Variants in PDCD11 observed in about 807,000 individuals in gnomAD.
PDCD11 encodes the protein programmed cell death 11.
Under a neutral mutation model 198.9 loss-of-function variants are expected in PDCD11, and 97 were observed. The observed-to-expected ratio is 0.49, with a 90% CI of 0.41 to 0.58. The LOEUF is 0.58. Among genes scored for constraint, PDCD11 ranks in the 20% least tolerant of loss-of-function variants. The pLI is 0.00. For missense variants in PDCD11, 2,102 were observed against 2,312.7 expected (o/e 0.91, Z 1.87); for synonymous variants, 893 against 918.0 (o/e 0.97, Z 0.49).
intron 22 of PDCD11, among the ~76,000 whole-genome samples, chr10:103,432,761 C>G (rs953850259): frequency 6.6e-6 from 1 of 152,166 alleles, no homozygotes; most frequent in Admixed American, 6.5e-5. Flanking sequence ...TGAGCATGAT[C>G]GTCTCTGATG....
chr10:103,434,335 T>G lies in PDCD11; in HGVS notation c.3652T>G (p.Cys1218Gly). The change falls in exon 24 of 36, where the codon TGT becomes GGT. Residue 1218 changes from cysteine to glycine, a missense_variant. Transcript: ENST00000369797. ...VGPDSSKTLLCLSLTGPHKLE... is the reference protein window; with the variant it reads ...VGPDSSKTLLGLSLTGPHKLE... ...CCCAGATTCCTCCAAGACCCTCTTA[T>G]GTCTGTCCCTCACAGGTGTGGGGAT... 1.2e-6 allele frequency: 2 copies of G among 1,608,204 alleles called. No individual in the cohort carries two copies. Among genetic ancestry groups the G allele is most frequent in the African/African-American group, 1.3e-5 (1 of 74,916 alleles).
rs778314230 is a variant in PDCD11, at chr10:103,423,084, G to A, written c.2594G>A (p.Ser865Asn). ...TTGGAAGATGGCTCTGTGGTATTCA[G>A]TGGGGGTCCAGTGCCCGACCTGGTC... The part of the protein sequence containing the change: ...EVLEDGSVVF[S>N]GGPVPDLVLK... The change falls in exon 18 of 36, where the codon AGT (serine) becomes AAT (asparagine). Residue 865 changes from serine (S) to asparagine (N), a missense_variant. Coordinates refer to ENST00000369797, the MANE Select transcript of PDCD11 (RefSeq NM_014976.2). The A allele has an allele frequency of 6.2e-6, 10 of 1,606,066 alleles. No homozygotes were observed. The Middle Eastern group carries it at 8.3e-4, about 133-fold the overall frequency.
At chr10:103,434,096 C>A in intron 23 of PDCD11, 59 bp downstream of exon 23, 2 of 1,395,170 alleles carry the variant, frequency 1.4e-6, no homozygotes, top group Non-Finnish European at 2.0e-6. Flanking sequence ...TGGCCCAGTG[C>A]CTGGTGTGTG....
At position 103,405,041 on chromosome 10, in the gene PDCD11, A is replaced by C; in HGVS notation, c.422A>C (p.Glu141Ala). The change falls in exon 5 of 36, where the codon GAA (glutamate) becomes GCA (alanine). Residue 141 changes from glutamate (E) to alanine (A), a missense_variant. Transcript: ENST00000369797. ...ATGCAGGACCTACTTCACTTGCCTG[A>C]ACTTTTCTCACCTGGAATGCTGGTA... is the stretch of plus-strand genomic sequence containing the variant. ...QPLKDLLHLPELFSPGMLVRC... is the reference protein window; with the variant it reads ...QPLKDLLHLPALFSPGMLVRC... 6.2e-7 allele frequency: 1 copy of C among 1,613,984 alleles called. No homozygotes were observed. The highest frequency in any genetic ancestry group is 1.3e-5 in the African/African-American group (1 of 75,010).
At chr10:103,412,317 T>C (rs1592119306) in intron 8 of PDCD11, among the ~76,000 whole-genome samples, 1 of 148,854 alleles carries the variant, frequency 6.7e-6, no homozygotes, top group East Asian at 2.0e-4. Context: ...CGTACCACCA[T>C]GCCCGGCTAA....
rs1430293302 is a variant in PDCD11 at position 103,434,353 on chromosome 10, G to A, written c.3667+3G>A. On this transcript the variant is annotated splice_donor_region_variant and intron_variant, in intron 24 of 35. Coordinates refer to ENST00000369797, the MANE Select transcript of PDCD11 (RefSeq NM_014976.2). ...CCTCTTATGTCTGTCCCTCACAGGT[G>A]TGGGGATGAAACAGTGCCTGGTCGG... The A allele has an allele frequency of 6.3e-7, 1 of 1,580,070 alleles. No individual in the cohort carries two copies. Among genetic ancestry groups the A allele is most frequent in the African/African-American group, 1.3e-5 (1 of 74,236 alleles).
intron 21 of PDCD11, among the ~76,000 whole-genome samples, chr10:103,429,474 G>A (rs1032242014): frequency 6.6e-6 from 1 of 152,118 alleles, no homozygotes; most frequent in African/African-American, 2.4e-5. Context: ...GAGGCTAGAA[G>A]TCTGAGATCA....
chr10:103,438,336 A>G (rs1459198086), intron 26 of PDCD11, among the ~76,000 whole-genome samples: 3 of 152,132 alleles, frequency 2.0e-5, no homozygotes. Context: ...GTGAGGGGAG[A>G]TGCTTTAGCC....
chr10:103,413,827 G>GA (rs1194180054), intron 9 of PDCD11, 139 bp from the exon 10 acceptor site: 7 of 810,238 alleles, frequency 8.6e-6, no homozygotes. Context: ...TTTTTAGTGT[G>GA]AAGAATTACT....
Position 103,417,712 on chromosome 10 carries a change from C to CCGT in PDCD11, c.1771-80_1771-79insCGT. The CCGT allele has an allele frequency of 2.0e-5, 29 of 1,462,938 alleles. No homozygotes were observed. The East Asian group carries it at 4.4e-4, about 22-fold the overall frequency. 90.6% of individuals were successfully genotyped at this position (1,462,938 alleles called of 1,614,324 possible). A position where few individuals can be genotyped will look rare whatever the true frequency, so the allele number is the denominator to read the frequency against. On this transcript the variant is annotated intron_variant, in intron 13 of 35. Transcript: ENST00000369797. ...CTCGGTAGATCTCCCAAGTCCTCTGCAGCAGTAGTGGAGGGCACGTTGCAG... is the reference window on the plus strand; with the variant it reads ...CTCGGTAGATCTCCCAAGTCCTCTGCCGTAGCAGTAGTGGAGGGCACGTTGCAG...
intron 22 of PDCD11, among the ~76,000 whole-genome samples, chr10:103,432,725 C>G (rs999848738): frequency 6.6e-6 from 1 of 152,168 alleles, no homozygotes; most frequent in Non-Finnish European, 1.5e-5. Flanking sequence ...TCCATTGTTG[C>G]CAGATTCCTC....
In PDCD11 at chr10:103,442,256, C is replaced by T. The variant is rs149891417; in HGVS notation, c.4751C>T (p.Ala1584Val). ...KKERELEKQK[A>V]EKELSRIEEA... ...GAAAGGGAGTTGGAGAAGCAGAAGG[C>T]AGAGAAGGAACTGTCCCGCATTGAG... Residue 1584 changes from alanine (A) to valine (V), a missense_variant, in exon 32 of 36, where the codon GCA becomes GTA. Physicochemically the swap from Ala to Val is moderately conservative, Grantham distance 64. Coordinates refer to ENST00000369797, the MANE Select transcript of PDCD11 (RefSeq NM_014976.2). 2,281 of 1,614,172 alleles carry T rather than the reference C, an allele frequency of 1.4e-3. 3 individuals are homozygous for T. The highest frequency in any genetic ancestry group is 2.6e-3 in the Admixed American group (158 of 60,014).
At position 103,440,795 on chromosome 10, in the gene PDCD11, A is replaced by C; in HGVS notation, c.4502A>C (p.Asp1501Ala). 1.2e-6 allele frequency: 2 copies of C among 1,614,098 alleles called. No homozygotes were observed. The highest frequency in any genetic ancestry group is 2.2e-5 in the South Asian group (2 of 91,082). The change falls in exon 30 of 36, where the codon GAC becomes GCC. Residue 1501 changes from aspartate to alanine, a missense_variant. Physicochemically the swap from Asp to Ala is moderately radical, Grantham distance 126. Transcript: ENST00000369797. ...TCAGAGGAGGACGACAGCCTTGTGG[A>C]CGTGTACTATCGGGAGGGAAAAGAG... ...GLSEEDDSLV[D>A]VYYREGKEEA...
At chr10:103,417,602 C>T (rs901708536) in intron 13 of PDCD11, among the ~76,000 whole-genome samples, 190 bp from the exon 14 acceptor site, 1 of 152,236 alleles carries the variant, frequency 6.6e-6, no homozygotes, top group Non-Finnish European at 1.5e-5. Context: ...CTTATGTCTT[C>T]CATTTATCCC....
chr10:103,413,817 T>C, intron 9 of PDCD11, 149 bp from the exon 10 acceptor site: 2 of 754,208 alleles, frequency 2.7e-6, no homozygotes, highest in Non-Finnish European at 4.0e-6. Flanking sequence ...AAAGAGCAGT[T>C]TTTTAGTGTG....
Position 103,445,405 on chromosome 10 carries a change from G to C in PDCD11, c.5472G>C (p.Leu1824=), listed in dbSNP as rs756345857. ...VRDIFERVIH[L]SLAPKRMKFF... ...ACATCTTTGAGCGGGTCATTCATCT[G>C]AGCTTGGCCCCCAAGAGAATGAAGT... Residue 1824 remains leucine (L), a synonymous_variant, in exon 36 of 36, where the codon CTG becomes CTC. Transcript: ENST00000369797. 7 of 1,614,212 alleles carry C rather than the reference G, an allele frequency of 4.3e-6. No individual in the cohort carries two copies. The Admixed American group carries it at 1.2e-4, about 27-fold the overall frequency.
At chr10:103,419,953 C>CTT (rs35847749) in intron 16 of PDCD11, among the ~76,000 whole-genome samples, 1,921 of 97,302 alleles carry the variant, frequency 0.02, 127 homozygotes, top group African/African-American at 0.035. Flanking sequence ...ACATGCCAGG[C>CTT]TTTTTTTTTT....
At chr10:103,402,424 T>A (rs2030155822) in intron 3 of PDCD11, among the ~76,000 whole-genome samples, 2 of 152,322 alleles carry the variant, frequency 1.3e-5, no homozygotes, top group Middle Eastern at 3.4e-3. Flanking sequence ...TGTAGGTTTT[T>A]ATTTTTTATT....
intron 25 of PDCD11, among the ~76,000 whole-genome samples, chr10:103,435,455 CAG>C (rs1253666272): frequency 6.6e-6 from 1 of 151,786 alleles, no homozygotes; most frequent in Non-Finnish European, 1.5e-5. Flanking sequence ...TTAATTGAGA[CAG>C]AGTCTGGCTG....
Sources: allele counts gnomAD v4.1 joint callset (sites outside exome capture counted in the v4.1 genomes callset), GRCh38; gene constraint gnomAD v4.1.1; transcripts MANE v1.5; gene names NCBI Gene and HGNC (gene_info 2026-07-23, HGNC 2026-07-21).